The following ABAT variants were observed in gnomAD, a reference collection of about 807,000 sequenced individuals.
ABAT encodes the protein 4-aminobutyrate aminotransferase, mitochondrial.
A neutral mutation model predicts 64.6 loss-of-function variants in ABAT; 45 were observed. That is an observed-to-expected ratio of 0.70 (90% confidence interval 0.55 to 0.89). ABAT has a LOEUF of 0.89. Ranked by LOEUF, ABAT falls within the 40% of genes least tolerant of loss-of-function variation. The pLI is 0.00. For missense variants in ABAT, 633 were observed against 658.4 expected (o/e 0.96, Z 0.42); for synonymous variants, 297 against 250.5 (o/e 1.19, Z -1.75).
intron 1 of ABAT, among the ~76,000 whole-genome samples, chr16:8,724,911 C>CTGTTTT (rs1567286898): frequency 8.7e-6 from 1 of 114,812 alleles, no homozygotes; most frequent in Non-Finnish European, 1.7e-5. Flanking sequence ...ACTCCAATAT[C>CTGTTTT]TCTTTTTTCT....
Position 8,784,064 on chromosome 16 carries a change from T to C in ABAT, c.*2634T>C, listed in dbSNP as rs2060495045. The C allele has an allele frequency of 6.6e-6, 1 of 152,362 alleles. No individual in the cohort carries two copies. The highest frequency in any genetic ancestry group is 2.1e-4 in the South Asian group (1 of 4,824). The allele number at this position is 152,362 out of a possible 1,614,324, so 9.4% of individuals were successfully genotyped here. The stretch of plus-strand genomic sequence containing the variant: ...ATTGTAGAAACTCAGCAGAAGCTGG[T>C]AAAAACATGGGGAGCCCGGAGGACA... On this transcript the variant is annotated 3_prime_UTR_variant, in exon 16 of 16. Transcript: ENST00000268251.
rs138778035 is a variant in ABAT, at chr16:8,715,829, A to G, written c.-41-19870A>G. On this transcript the variant is annotated intron_variant, in intron 1 of 15. Coordinates refer to ENST00000268251, the MANE Select transcript of ABAT (RefSeq NM_020686.6). ...TGAGAGTGACTTTGTATCTCAGATC[A>G]TTTGTACTGAGGTTATGTAAGAGAA... Among the ~76,000 whole-genome samples the G allele has an allele frequency of 6.1e-4, 93 of 152,254 alleles. No homozygotes were observed. The South Asian group carries it at 7.5e-3, about 12-fold the overall frequency.
chr16:8,709,707 A>G (rs1162775196), intron 1 of ABAT, among the ~76,000 whole-genome samples: 3 of 152,188 alleles, frequency 2.0e-5, no homozygotes, highest in Admixed American at 6.5e-5. Context: ...GTCTAAAGAC[A>G]TGATATAGAA....
chr16:8,679,772 A>T (rs1348069094), intron 1 of ABAT, among the ~76,000 whole-genome samples: 1 of 152,060 alleles, frequency 6.6e-6, no homozygotes, highest in African/African-American at 2.4e-5. Flanking sequence ...AGGCTGAATC[A>T]GTTGTCCTCA....
chr16:8,695,717 T>G (rs1220192247), intron 1 of ABAT, among the ~76,000 whole-genome samples: 1 of 152,166 alleles, frequency 6.6e-6, no homozygotes, highest in South Asian at 2.1e-4. Flanking sequence ...GGAAAGAAAT[T>G]TTCCTTGCAT....
At chr16:8,771,659 G>A (rs2060114102) in intron 11 of ABAT, among the ~76,000 whole-genome samples, 1 of 151,660 alleles carries the variant, frequency 6.6e-6, no homozygotes, top group Non-Finnish European at 1.5e-5. Flanking sequence ...AGTAGAGATG[G>A]GGTTTCACCA....
chr16:8,685,549 G>A (rs537301319), intron 1 of ABAT, among the ~76,000 whole-genome samples: 10 of 151,564 alleles, frequency 6.6e-5, no homozygotes, highest in African/African-American at 2.2e-4. Flanking sequence ...GGCAGCCTGC[G>A]CCTGTAGTCC....
intron 1 of ABAT, among the ~76,000 whole-genome samples, chr16:8,731,177 G>A (rs541272118): frequency 2.0e-5 from 3 of 152,258 alleles, no homozygotes; most frequent in African/African-American, 4.8e-5. Flanking sequence ...TGGCCATGCT[G>A]ATCTCGAACT....
At chr16:8,737,991 G>GAAAAAGAAAGAAAGAAAGAAA (rs55862439) in intron 2 of ABAT, among the ~76,000 whole-genome samples, 1 of 14,952 alleles carries the variant, frequency 6.7e-5, no homozygotes, top group Non-Finnish European at 1.2e-4. Context: ...GAAGGAAGGA[G>GAAAAAGAAAGAAAGAAAGAAA]GAAAGAAAGA....
intron 2 of ABAT, among the ~76,000 whole-genome samples, chr16:8,745,245 G>C (rs1435088118): frequency 6.6e-6 from 1 of 152,154 alleles, no homozygotes; most frequent in African/African-American, 2.4e-5. Context: ...GACTCCCAGA[G>C]TGCTGGGATT....
At chr16:8,726,587 A>G (rs1035033273) in intron 1 of ABAT, among the ~76,000 whole-genome samples, 1 of 152,110 alleles carries the variant, frequency 6.6e-6, no homozygotes, top group Non-Finnish European at 1.5e-5. Context: ...TTATCCATTC[A>G]TCTGTTATTG....
At chr16:8,736,305 A>T (rs1596441620) in intron 2 of ABAT, 1 of 182,282 alleles carries the variant, frequency 5.5e-6, no homozygotes, top group African/African-American at 2.4e-5. Flanking sequence ...AAACCACATC[A>T]CCCACTATCC....
At chr16:8,698,982 C>T (rs1006182312) in intron 1 of ABAT, among the ~76,000 whole-genome samples, 2 of 152,030 alleles carry the variant, frequency 1.3e-5, no homozygotes, top group Non-Finnish European at 2.9e-5. Flanking sequence ...ATAAGTAGTG[C>T]TGCAACGAAC....
chr16:8,755,192 G>C (rs977203292), intron 5 of ABAT, among the ~76,000 whole-genome samples: 2 of 152,006 alleles, frequency 1.3e-5, no homozygotes, highest in Non-Finnish European at 2.9e-5. Context: ...GGCCCCACTG[G>C]CTGCCATGGG....
intron 1 of ABAT, among the ~76,000 whole-genome samples, chr16:8,699,614 T>G (rs2057775540): frequency 6.6e-6 from 1 of 151,838 alleles, no homozygotes; most frequent in Non-Finnish European, 1.5e-5. Context: ...CAGGCTGGAG[T>G]GCAGTGGTGT....
chr16:8,757,708 G>A (rs775411720), intron 5 of ABAT, 49 bp from the exon 6 acceptor site: 1 of 1,586,862 alleles, frequency 6.3e-7, no homozygotes, highest in East Asian at 2.2e-5. Flanking sequence ...AGGGGCATGG[G>A]GAACCCTTGG....
intron 3 of ABAT, among the ~76,000 whole-genome samples, chr16:8,746,815 A>C (rs1216997819): frequency 3.3e-5 from 5 of 152,140 alleles, no homozygotes; most frequent in African/African-American, 1.2e-4. Flanking sequence ...CAAAAATCCC[A>C]CTAGCATAGA....
At chr16:8,767,789 T>C (rs1380431262) in intron 9 of ABAT, among the ~76,000 whole-genome samples, 1 of 152,004 alleles carries the variant, frequency 6.6e-6, no homozygotes, top group Non-Finnish European at 1.5e-5. Flanking sequence ...GATTCTCCTG[T>C]CTCAGCCTCC....
intron 1 of ABAT, among the ~76,000 whole-genome samples, chr16:8,726,368 C>T (rs1596425108): frequency 6.8e-6 from 1 of 147,940 alleles, no homozygotes; most frequent in African/African-American, 2.5e-5. Context: ...TCAAGCGATT[C>T]TCCTGCCTCA....
Sources: allele counts gnomAD v4.1 joint callset (sites outside exome capture counted in the v4.1 genomes callset), GRCh38; gene constraint gnomAD v4.1.1; transcripts MANE v1.5; gene names NCBI Gene and HGNC (gene_info 2026-07-23, HGNC 2026-07-21).